Variants in FNIP2 observed in about 807,000 individuals in gnomAD.
FNIP2 encodes the protein folliculin interacting protein 2.
FNIP2 carries 32 observed loss-of-function variants against 108.7 expected under a neutral mutation model. The observed-to-expected ratio is 0.29, with a 90% CI of 0.22 to 0.40. The LOEUF (loss-of-function observed/expected upper bound fraction) is 0.40. FNIP2 is among the 10% of genes least tolerant of loss of function. The pLI, the probability that FNIP2 is intolerant of heterozygous loss-of-function variation, is 1.00. For synonymous variants in FNIP2, 480 were observed against 496.7 expected (o/e 0.97, Z 0.45); for missense variants, 1,202 against 1,381.6 (o/e 0.87, Z 2.06).
At position 158,872,743 on chromosome 4, in the gene FNIP2, T is replaced by TTG. The variant is rs1553963965; in HGVS notation, c.2949+2275_2949+2276insGT. 1.5e-3 allele frequency: 1,440 copies of TTG among 983,756 alleles called. 16 individuals carry two copies. In the African/African-American group the frequency reaches 0.023, roughly 16 times the overall value. 60.9% of individuals were successfully genotyped at this position (983,756 alleles called of 1,614,324 possible). A position where few individuals can be genotyped will look rare whatever the true frequency, so the allele number is the denominator to read the frequency against. On this transcript the variant is annotated intron_variant, in intron 14 of 16. Transcript: ENST00000264433. ...TCTGGTCTATGGTAGTGTTTTTTTT[T>TTG]TTTTTTTTAAAAAACAGGCTTACTT...
intron 1 of FNIP2, among the ~76,000 whole-genome samples, chr4:158,802,387 TTTTCC>T (rs1776792694): frequency 1.3e-5 from 2 of 152,284 alleles, no homozygotes; most frequent in Middle Eastern, 3.4e-3. Flanking sequence ...TTCTTTTTTT[TTTTCC>T]TTTCAAGATT....
At chr4:158,883,132 G>A (rs562745356) in intron 14 of FNIP2, among the ~76,000 whole-genome samples, 12 of 151,368 alleles carry the variant, frequency 7.9e-5, no homozygotes, top group Admixed American at 7.9e-4. Flanking sequence ...TGAAGCCAAA[G>A]AATCATGTGT....
rs1422354521 is a variant in FNIP2, at chr4:158,831,940, C to T, written c.461C>T (p.Thr154Ile). Residue 154 changes from threonine (T) to isoleucine (I), a missense_variant, in exon 4 of 17, where the codon ACC becomes ATC. Physicochemically the swap from Thr to Ile is moderately conservative, Grantham distance 89. Coordinates refer to ENST00000264433, the MANE Select transcript of FNIP2 (RefSeq NM_020840.3). ...GSVAMSYKGSTLKIHYIRSPP... is the reference protein window; with the variant it reads ...GSVAMSYKGSILKIHYIRSPP... ...GTTGCCATGAGTTACAAAGGCTCCACCTTAAAGATACACTACATACGGTGA... is the reference window on the plus strand; with the variant it reads ...GTTGCCATGAGTTACAAAGGCTCCATCTTAAAGATACACTACATACGGTGA... 1 of 1,610,916 alleles carries T rather than the reference C, an allele frequency of 6.2e-7. No homozygotes were observed. Among genetic ancestry groups the T allele is most frequent in the African/African-American group, 1.3e-5 (1 of 74,892 alleles).
intron 14 of FNIP2, among the ~76,000 whole-genome samples, chr4:158,872,981 T>C (rs1781044724): frequency 6.6e-6 from 1 of 152,132 alleles, no homozygotes; most frequent in African/African-American, 2.4e-5. Context: ...ATAAATTGCT[T>C]TATCAAACTT....
chr4:158,868,660 T>A lies in FNIP2; in HGVS notation c.2024T>A (p.Met675Lys). 1 of 1,613,944 alleles carries A rather than the reference T, an allele frequency of 6.2e-7. No individual in the cohort carries two copies. The highest frequency in any genetic ancestry group is 8.5e-7 in the Non-Finnish European group (1 of 1,179,882). The change falls in exon 13 of 17, where the codon ATG becomes AAG. Residue 675 changes from methionine to lysine, a missense_variant. Met to Lys is a moderately conservative substitution (Grantham distance 95). Coordinates refer to ENST00000264433, the MANE Select transcript of FNIP2 (RefSeq NM_020840.3). This position sits in a 1 kb window ranked among gnomAD's most constrained non-coding sequence, Gnocchi z 4.6. ...AGCTGTGAAGTTTTGGGGGCAGGAA[T>A]GAAGATGGACCAGCAAGCTGTCTGT... ...LPSCEVLGAG[M>K]KMDQQAVCEL...
At chr4:158,804,114 A>G (rs1281440756) in intron 1 of FNIP2, among the ~76,000 whole-genome samples, 3 of 151,582 alleles carry the variant, frequency 2.0e-5, no homozygotes, top group African/African-American at 7.3e-5. Flanking sequence ...ATTTTTTTGT[A>G]TTTTTTTAGT....
intron 1 of FNIP2, among the ~76,000 whole-genome samples, chr4:158,782,102 G>A (rs867757012): frequency 8.0e-4 from 122 of 151,744 alleles, no homozygotes; most frequent in African/African-American, 2.9e-3. Context: ...CATCTCTACT[G>A]ATCTCAAGGT....
Position 158,861,735 on chromosome 4 carries a change from T to C in FNIP2, c.1424T>C (p.Leu475Pro). 1 of 1,614,022 alleles carries C rather than the reference T, an allele frequency of 6.2e-7. No individual in the cohort carries two copies. The highest frequency in any genetic ancestry group is 8.5e-7 in the Non-Finnish European group (1 of 1,179,896). Residue 475 changes from leucine to proline, a missense_variant, in exon 12 of 17, where the codon CTG becomes CCG. Coordinates refer to ENST00000264433, the MANE Select transcript of FNIP2 (RefSeq NM_020840.3). Reference protein sequence around the residue: ...EKRTSQSVNMLAKTHPYNPLW... With the variant: ...EKRTSQSVNMPAKTHPYNPLW... ...CGTACCTCCCAGTCAGTGAACATGC[T>C]GGCCAAAACACATCCGTATAATCCT...
intron 14 of FNIP2, among the ~76,000 whole-genome samples, chr4:158,875,233 C>T (rs887624554): frequency 6.6e-6 from 1 of 152,098 alleles, no homozygotes; most frequent in Admixed American, 6.5e-5. Context: ...TCATTGAGTG[C>T]TAAAAGCATT....
chr4:158,841,225 C>T (rs1043716463), intron 7 of FNIP2, among the ~76,000 whole-genome samples: 2 of 152,116 alleles, frequency 1.3e-5, no homozygotes, highest in African/African-American at 4.8e-5. Context: ...GGGGATTACA[C>T]TGGGGATTTT....
chr4:158,904,303 T>G (rs1484187591), intron 16 of FNIP2, among the ~76,000 whole-genome samples, 163 bp from the exon 17 acceptor site: 1 of 152,182 alleles, frequency 6.6e-6, no homozygotes, highest in Non-Finnish European at 1.5e-5. Context: ...ATTAAAAGAG[T>G]AAGTTTATTA....
At chr4:158,853,936 C>T (rs1779841102) in intron 8 of FNIP2, among the ~76,000 whole-genome samples, 1 of 152,184 alleles carries the variant, frequency 6.6e-6, no homozygotes, top group Admixed American at 6.5e-5. Flanking sequence ...CATTCTATCA[C>T]TGTGTCCTCA....
chr4:158,868,317 G>C lies in FNIP2; in HGVS notation c.1681G>C (p.Glu561Gln). Reference protein sequence around the residue: ...SKIITALEKGEVEESEYVVIT... With the variant: ...SKIITALEKGQVEESEYVVIT... ...GATCATAACAGCCTTGGAGAAAGGA[G>C]AGGTGGAGGAGTCTGAGTATGTGGT... Residue 561 changes from glutamate (E) to glutamine (Q), a missense_variant, in exon 13 of 17, where the codon GAG becomes CAG. Glu to Gln is a conservative substitution (Grantham distance 29, BLOSUM62 2). Transcript: ENST00000264433. The surrounding 1 kb of genome is among the most constrained non-coding windows in gnomAD (Gnocchi z 4.6). 1 of 1,614,066 alleles carries C rather than the reference G, an allele frequency of 6.2e-7. No homozygotes were observed. Among genetic ancestry groups the C allele is most frequent in the Admixed American group, 1.7e-5 (1 of 60,038 alleles).
At chr4:158,818,946 C>G (rs1777727750) in intron 1 of FNIP2, among the ~76,000 whole-genome samples, 1 of 152,226 alleles carries the variant, frequency 6.6e-6, no homozygotes, top group African/African-American at 2.4e-5. Context: ...AGCATCATGT[C>G]TTCTGTGACT....
chr4:158,881,432 G>A (rs1426348299), intron 14 of FNIP2, among the ~76,000 whole-genome samples: 2 of 119,400 alleles, frequency 1.7e-5, no homozygotes, highest in Non-Finnish European at 1.8e-5. Flanking sequence ...CTCTTTCCAC[G>A]GTCTCCCTCT....
rs1355407943 is a variant in FNIP2, at chr4:158,906,361, C to T, written c.*1817C>T. 1.3e-5 allele frequency: 2 copies of T among 152,166 alleles called. No homozygotes were observed. Among genetic ancestry groups the T allele is most frequent in the Non-Finnish European group, 2.9e-5 (2 of 68,034 alleles). The allele number at this position is 152,166 out of a possible 1,614,324, so 9.4% of individuals were successfully genotyped here. On this transcript the variant is annotated 3_prime_UTR_variant, in exon 17 of 17. Transcript: ENST00000264433. ...TCTCTAGTTCCTTTTTTCTTGTTTA[C>T]ATGTTTTGGGCACTTTCCCTCATTC...
chr4:158,883,886 A>C (rs1285093634), intron 14 of FNIP2, among the ~76,000 whole-genome samples: 1 of 152,030 alleles, frequency 6.6e-6, no homozygotes. Context: ...ATTGGGCTAA[A>C]AGTCGGAAAC....
intron 1 of FNIP2, among the ~76,000 whole-genome samples, chr4:158,805,354 G>T (rs1000326985): frequency 6.6e-6 from 1 of 152,030 alleles, no homozygotes. Flanking sequence ...TGTTTTCTTC[G>T]TGAACCCACA....
At chr4:158,819,731 G>C (rs544283391) in intron 1 of FNIP2, among the ~76,000 whole-genome samples, 2 of 152,348 alleles carry the variant, frequency 1.3e-5, no homozygotes, top group South Asian at 2.1e-4. Context: ...TGTGCTGACA[G>C]GGTGAACTCT....
Sources: allele counts gnomAD v4.1 joint callset (sites outside exome capture counted in the v4.1 genomes callset), GRCh38; gene constraint gnomAD v4.1.1; non-coding constraint Gnocchi (gnomAD v3.1); transcripts MANE v1.5; gene names NCBI Gene and HGNC (gene_info 2026-07-23, HGNC 2026-07-21).